The following LIMD2 variants were observed in gnomAD, a reference collection of about 807,000 sequenced individuals.
LIMD2 encodes the protein LIM domain containing 2, also known as LIM domain-containing protein 2.
In LIMD2, 11 loss-of-function variants were observed where a neutral mutation model predicts 16.0. That is an observed-to-expected ratio of 0.69 (90% CI 0.43 to 1.14). The LOEUF (loss-of-function observed/expected upper bound fraction) is 1.14, where lower values mean the gene tolerates loss of function less well. Ranked by LOEUF, LIMD2 falls within the 50% of genes most tolerant of loss-of-function variation. The pLI is 0.00. For synonymous variants in LIMD2, 60 were observed against 67.1 expected, an observed-to-expected ratio of 0.89 and a Z score of 0.52; for missense variants, 168 against 165.8, an observed-to-expected ratio of 1.01 and a Z score of -0.07.
intron 1 of LIMD2, 74 bp from the exon 2 acceptor site, chr17:63,699,422 A>T: frequency 1.4e-6 from 2 of 1,414,540 alleles, no homozygotes; most frequent in Non-Finnish European, 1.9e-6. Flanking sequence ...GTTGACAGGC[A>T]GGGGCTGGGG....
At chr17:63,699,875 C>G in intron 1 of LIMD2, 157 bp downstream of exon 1, 6 of 984,360 alleles carry the variant, frequency 6.1e-6, no homozygotes, top group Non-Finnish European at 7.2e-6. Flanking sequence ...TCCGCCCAGC[C>G]GGGGGCCGGC....
intron 1 of LIMD2, 149 bp downstream of exon 1, chr17:63,699,883 G>T: frequency 1.0e-6 from 1 of 983,966 alleles, no homozygotes; most frequent in Non-Finnish European, 1.2e-6. Context: ...GCCGGGGGCC[G>T]GCCCTGAAAC....
intron 1 of LIMD2, 131 bp downstream of exon 1, chr17:63,699,901 C>G: frequency 2.0e-6 from 2 of 984,250 alleles, no homozygotes; most frequent in Non-Finnish European, 2.4e-6. Context: ...AACGAGGACT[C>G]GAGCCTGTGC....
intron 1 of LIMD2, chr17:63,699,772 T>TCGC: frequency 9.4e-5 from 31 of 329,574 alleles, no homozygotes; most frequent in Middle Eastern, 1.5e-3. Flanking sequence ...GCGCCCGAGG[T>TCGC]CCCCGCCCGC....
Position 63,697,525 on chromosome 17 carries a change from A to T in LIMD2, c.*1027T>A, listed in dbSNP as rs1184504207. 6.6e-6 allele frequency: 1 copy of T among 152,182 alleles called. No homozygotes were observed. The highest frequency in any genetic ancestry group is 2.4e-5 in the African/African-American group (1 of 41,434). The allele number at this position is 152,182 out of a possible 1,614,324, so 9.4% of individuals were successfully genotyped here. A position where few individuals can be genotyped will look rare whatever the true frequency, so the allele number is the denominator to read the frequency against. On this transcript the variant is annotated 3_prime_UTR_variant, in exon 5 of 5. Coordinates refer to ENST00000259006, the MANE Select transcript of LIMD2 (RefSeq NM_030576.4). ...GGCCCTCCCGCTCTCAGGCCTCTTC[A>T]CAATGGGGTGCATATGGTAAGTTGG... is the stretch of plus-strand genomic sequence containing the variant.
In LIMD2 at chr17:63,698,721, C is replaced by T. The variant is rs1298583701; in HGVS notation, c.225-10G>A. The T allele has an allele frequency of 1.1e-5, 18 of 1,613,238 alleles. No individual in the cohort carries two copies. Among genetic ancestry groups the T allele is most frequent in the Non-Finnish European group, 1.4e-5 (16 of 1,179,972 alleles). Reference sequence around the variant, plus strand: ...GGCGTAGCTGCCCAGGCTGCAGAAGCCAAACAACGGCGTCAGGTCAGGTCA... The same window carrying T: ...GGCGTAGCTGCCCAGGCTGCAGAAGTCAAACAACGGCGTCAGGTCAGGTCA... On this transcript the variant is annotated splice_polypyrimidine_tract_variant and intron_variant, in intron 4 of 4. Coordinates refer to ENST00000259006, the MANE Select transcript of LIMD2 (RefSeq NM_030576.4).
Position 63,698,491 on chromosome 17 carries a change from T to C in LIMD2, c.*61A>G. 1 of 1,574,590 alleles carries C rather than the reference T, an allele frequency of 6.4e-7. No homozygotes were observed. Among genetic ancestry groups the C allele is most frequent in the Non-Finnish European group, 8.6e-7 (1 of 1,160,430 alleles). On this transcript the variant is annotated 3_prime_UTR_variant, in exon 5 of 5. Coordinates refer to ENST00000259006, the MANE Select transcript of LIMD2 (RefSeq NM_030576.4). ...CCACGCAAGCCCAGCTCGACCTCCT[T>C]CCCACCTTCCCCCTGCCGGCTCCAG... is the stretch of plus-strand genomic sequence containing the variant.
rs2035720164 is a variant in LIMD2 at position 63,698,161 on chromosome 17, C to T, written c.*391G>A. On this transcript the variant is annotated 3_prime_UTR_variant, in exon 5 of 5. Transcript: ENST00000259006. ...TTAAGGGTAGAGGTAGATGGGGAGA[C>T]GTGGGGGCCACACAGTCTCCGGTGG... 4.4e-6 allele frequency: 1 copy of T among 227,798 alleles called. No individual in the cohort carries two copies. The highest frequency in any genetic ancestry group is 5.2e-5 in the Admixed American group (1 of 19,398). The allele number at this position is 227,798 out of a possible 1,614,324, so 14.1% of individuals were successfully genotyped here.
At chr17:63,698,764 C>T in intron 4 of LIMD2, 35 bp downstream of exon 4, 2 of 1,609,964 alleles carry the variant, frequency 1.2e-6, no homozygotes, top group Non-Finnish European at 1.7e-6. Flanking sequence ...GCTGGGTTGG[C>T]AGGCGAGGCG....
chr17:63,699,397 T>G (rs2035749060), intron 1 of LIMD2, 49 bp from the exon 2 acceptor site: 1 of 1,490,290 alleles, frequency 6.7e-7, no homozygotes, highest in Middle Eastern at 2.1e-4. Flanking sequence ...GGCCCCAGCC[T>G]GCAGGGTGGG....
In LIMD2 at chr17:63,698,289, G is replaced by C. The variant is rs1598134105; in HGVS notation, c.*263C>G. ...GCTTGGGGGCCTCCCAGGGGGTCCT[G>C]GGGTGAGGTGGGGAGGGAGGCTGAA... On this transcript the variant is annotated 3_prime_UTR_variant, in exon 5 of 5. Coordinates refer to ENST00000259006, the MANE Select transcript of LIMD2 (RefSeq NM_030576.4). The C allele has an allele frequency of 1.9e-6, 1 of 524,246 alleles. No homozygotes were observed. The highest frequency in any genetic ancestry group is 1.9e-5 in the African/African-American group (1 of 52,080). 32.5% of individuals were successfully genotyped at this position (524,246 alleles called of 1,614,324 possible).
chr17:63,700,247 A>AC (rs1402759586), upstream of LIMD2: 43 of 753,054 alleles, frequency 5.7e-5, no homozygotes, highest in East Asian at 3.2e-3. The surrounding 1 kb of genome is among the most constrained non-coding windows in gnomAD (Gnocchi z 7.1). Context: ...GCCGCCGCCG[A>AC]CCCCCCTCCG....
upstream of LIMD2, chr17:63,700,875 G>C (rs1410570487): frequency 6.6e-6 from 1 of 152,188 alleles, no homozygotes; most frequent in Non-Finnish European, 1.5e-5. This position sits in a 1 kb window ranked among gnomAD's most constrained non-coding sequence, Gnocchi z 7.1. Flanking sequence ...TGGGGAGGCC[G>C]GTATGCGTGG....
At position 63,699,044 on chromosome 17, in the gene LIMD2, G is replaced by T. The variant is rs1412284331; in HGVS notation, c.68C>A (p.Thr23Lys). 1.2e-6 allele frequency: 2 copies of T among 1,608,060 alleles called. No individual in the cohort carries two copies. The highest frequency in any genetic ancestry group is 8.5e-7 in the Non-Finnish European group (1 of 1,177,954). Residue 23 changes from threonine (T) to lysine (K), a missense_variant, in exon 3 of 5, where the codon ACG becomes AAG. Thr to Lys is a moderately conservative substitution (Grantham distance 78). Transcript: ENST00000259006. ...SHDAKGGGSSTVQRSKSFSLR... is the reference protein window; with the variant it reads ...SHDAKGGGSSKVQRSKSFSLR... Reference sequence around the variant, plus strand: ...GGCCCCTACCTTGGAGCGCTGCACCGTGCTGCTGCCGCCGCCTTTGGCGTC... The same window carrying T: ...GGCCCCTACCTTGGAGCGCTGCACCTTGCTGCTGCCGCCGCCTTTGGCGTC...
In LIMD2 at chr17:63,698,395, G is replaced by A. The variant is rs966675319; in HGVS notation, c.*157C>T. On this transcript the variant is annotated 3_prime_UTR_variant, in exon 5 of 5. Coordinates refer to ENST00000259006, the MANE Select transcript of LIMD2 (RefSeq NM_030576.4). ...CGGCTGCGGGAGAAGGAAGAAGGAAGGAGTCCTGGAGCAGAGCCCTGCCCT... is the reference window on the plus strand; with the variant it reads ...CGGCTGCGGGAGAAGGAAGAAGGAAAGAGTCCTGGAGCAGAGCCCTGCCCT... The A allele has an allele frequency of 3.6e-6, 3 of 823,162 alleles. No individual in the cohort carries two copies. Among genetic ancestry groups the A allele is most frequent in the African/African-American group, 1.7e-5 (1 of 57,878 alleles). The allele number at this position is 823,162 out of a possible 1,614,324, so 51.0% of individuals were successfully genotyped here. A position where few individuals can be genotyped will look rare whatever the true frequency, so the allele number is the denominator to read the frequency against.
At position 63,699,322 on chromosome 17, in the gene LIMD2, G is replaced by C; in HGVS notation, c.-24C>G. On this transcript the variant is annotated 5_prime_UTR_variant, in exon 2 of 5. Coordinates refer to ENST00000259006, the MANE Select transcript of LIMD2 (RefSeq NM_030576.4). Reference sequence around the variant, plus strand: ...ATGGCTCGTTGGAGGTGGAAGCCTCGGGTGGAGAAGCGGCACCCGCTGGGT... The same window carrying C: ...ATGGCTCGTTGGAGGTGGAAGCCTCCGGTGGAGAAGCGGCACCCGCTGGGT... The C allele has an allele frequency of 6.3e-7, 1 of 1,597,112 alleles. No individual in the cohort carries two copies. The highest frequency in any genetic ancestry group is 8.5e-7 in the Non-Finnish European group (1 of 1,171,474).
At chr17:63,700,140 GCCGCCACCGCCTTATCGCTGCA>G, upstream of LIMD2, 1 of 983,948 alleles carries the variant, frequency 1.0e-6, no homozygotes, top group Non-Finnish European at 1.2e-6. This position sits in a 1 kb window ranked among gnomAD's most constrained non-coding sequence, Gnocchi z 7.1. Context: ...AGCCACCGCC[GCCGCCACCGCCTTATCGCTGCA>G]CCGCCCCCGC....
rs2035695247 is a variant in LIMD2, at chr17:63,696,474, C to T, written c.*2078G>A. 1 of 152,410 alleles carries T rather than the reference C, an allele frequency of 6.6e-6. No homozygotes were observed. The highest frequency in any genetic ancestry group is 1.5e-5 in the Non-Finnish European group (1 of 68,184). 9.4% of individuals were successfully genotyped at this position (152,410 alleles called of 1,614,324 possible). ...TGATCTGGCTGATACCATTGTCAGTCCAGAGGTGTCTGCCCCTTTCCTCCA... is the reference window on the plus strand; with the variant it reads ...TGATCTGGCTGATACCATTGTCAGTTCAGAGGTGTCTGCCCCTTTCCTCCA... On this transcript the variant is annotated 3_prime_UTR_variant, in exon 5 of 5. Transcript: ENST00000259006.
rs950232819 is a variant in LIMD2 at position 63,698,377 on chromosome 17, G to A, written c.*175C>T. 17 of 750,142 alleles carry A rather than the reference G, an allele frequency of 2.3e-5. No individual in the cohort carries two copies. The highest frequency in any genetic ancestry group is 3.9e-4 in the Middle Eastern group (1 of 2,586). The allele number at this position is 750,142 out of a possible 1,614,324, so 46.5% of individuals were successfully genotyped here. On this transcript the variant is annotated 3_prime_UTR_variant, in exon 5 of 5. Coordinates refer to ENST00000259006, the MANE Select transcript of LIMD2 (RefSeq NM_030576.4). ...TGGTTTCCAAACCCTCACCGGCTGC[G>A]GGAGAAGGAAGAAGGAAGGAGTCCT...
Sources: gnomAD v4.1 joint callset for allele counts on GRCh38, gnomAD v4.1.1 for gene constraint, Gnocchi (gnomAD v3.1) non-coding constraint, MANE v1.5 for transcripts, NCBI Gene and HGNC (gene_info 2026-07-23, HGNC 2026-07-21) for gene names.